Variants in TSHZ2 observed in about 807,000 individuals in gnomAD.
TSHZ2 encodes the protein teashirt homolog 2.
TSHZ2 carries 21 observed loss-of-function variants against 74.4 expected under a neutral mutation model. The observed-to-expected ratio is 0.28, with a 90% CI of 0.20 to 0.41. TSHZ2 has a LOEUF of 0.41. Ranked by LOEUF, TSHZ2 falls within the 10% of genes least tolerant of loss-of-function variation. TSHZ2 has a pLI of 1.00. For missense variants in TSHZ2, 1,244 were observed against 1,293.5 expected, an observed-to-expected ratio of 0.96 and a Z score of 0.59; for synonymous variants, 540 against 515.3, an observed-to-expected ratio of 1.05 and a Z score of -0.65.
chr20:53,155,780 G>A (rs1987780270), intron 1 of TSHZ2, among the ~76,000 whole-genome samples: 1 of 152,132 alleles, frequency 6.6e-6, no homozygotes, highest in Non-Finnish European at 1.5e-5. Context: ...AGATCTCAAT[G>A]TTGTGATAGA....
intron 2 of TSHZ2, among the ~76,000 whole-genome samples, chr20:53,320,040 A>G (rs1378593819): frequency 6.6e-6 from 1 of 152,148 alleles, no homozygotes; most frequent in Non-Finnish European, 1.5e-5. Context: ...CTAAACCTCA[A>G]TGGCCAAGCA....
At chr20:53,177,760 C>T (rs554433102) in intron 1 of TSHZ2, among the ~76,000 whole-genome samples, 2 of 151,606 alleles carry the variant, frequency 1.3e-5, no homozygotes, top group South Asian at 2.1e-4. Flanking sequence ...TGGACCCACA[C>T]ATAATGTTTC....
At chr20:53,124,624 C>T (rs1986897603) in intron 1 of TSHZ2, among the ~76,000 whole-genome samples, 1 of 152,186 alleles carries the variant, frequency 6.6e-6, no homozygotes, top group African/African-American at 2.4e-5. Context: ...CAAGTTATAA[C>T]AATAGTCATC....
intron 2 of TSHZ2, among the ~76,000 whole-genome samples, chr20:53,414,788 G>A (rs761271213): frequency 2.0e-4 from 30 of 152,312 alleles, no homozygotes; most frequent in Admixed American, 1.2e-3. Context: ...TGATTTTCTT[G>A]TTAATAAAGC....
intron 1 of TSHZ2, among the ~76,000 whole-genome samples, chr20:53,005,357 T>A (rs1435274285): frequency 6.6e-6 from 1 of 152,160 alleles, no homozygotes; most frequent in Non-Finnish European, 1.5e-5. Context: ...AGGTTTGAGC[T>A]GAACTATTTA....
chr20:53,336,656 T>C (rs1226200145), intron 2 of TSHZ2, among the ~76,000 whole-genome samples: 1 of 152,198 alleles, frequency 6.6e-6, no homozygotes, highest in East Asian at 1.9e-4. Flanking sequence ...TTCTTGTGTC[T>C]GTGTTACGAT....
chr20:53,238,985 G>A (rs368445918), intron 1 of TSHZ2, among the ~76,000 whole-genome samples: 15 of 152,128 alleles, frequency 9.9e-5, no homozygotes, highest in African/African-American at 3.6e-4. Context: ...CCAACAGTAG[G>A]AAATGGATGG....
intron 1 of TSHZ2, among the ~76,000 whole-genome samples, chr20:53,247,056 A>C (rs1990224892): frequency 6.6e-6 from 1 of 152,192 alleles, no homozygotes; most frequent in African/African-American, 2.4e-5. Flanking sequence ...CACTGTACCC[A>C]CGCCATCTCC....
At chr20:53,309,113 A>C (rs1238353336) in intron 2 of TSHZ2, among the ~76,000 whole-genome samples, 2 of 152,230 alleles carry the variant, frequency 1.3e-5, no homozygotes, top group Non-Finnish European at 2.9e-5. Context: ...ATAGAGCAAG[A>C]TACAAATCAC....
At chr20:53,338,953 T>G (rs1197479192) in intron 2 of TSHZ2, among the ~76,000 whole-genome samples, 2 of 152,218 alleles carry the variant, frequency 1.3e-5, no homozygotes, top group Admixed American at 6.5e-5. Flanking sequence ...TGATGAAGCC[T>G]TCTTAGCAAA....
chr20:53,442,510 A>G lies in TSHZ2; in HGVS notation c.*9-44634A>G, dbSNP rs60970268. 1.8e-4 allele frequency among the ~76,000 whole-genome samples: 27 copies of G among 152,308 alleles called. No individual in the cohort carries two copies. In the East Asian group the frequency reaches 5.0e-3, roughly 28 times the overall value. On this transcript the variant is annotated intron_variant, in intron 2 of 2. Transcript: ENST00000371497. ...CCAGTGCACGGATTCTATTAGGGAA[A>G]TGCGGTGGTAATTAATGAATCCTGC...
At chr20:53,205,959 A>G (rs957026333) in intron 1 of TSHZ2, among the ~76,000 whole-genome samples, 1 of 152,186 alleles carries the variant, frequency 6.6e-6, no homozygotes, top group Admixed American at 6.5e-5. Context: ...GGTGGCTCAC[A>G]CCTGTAATCC....
intron 1 of TSHZ2, among the ~76,000 whole-genome samples, chr20:53,113,849 T>A (rs1457006291): frequency 6.6e-6 from 1 of 152,114 alleles, no homozygotes; most frequent in African/African-American, 2.4e-5. Flanking sequence ...CTGAACTCCA[T>A]AATGGGATCC....
chr20:53,200,648 TTTTGTTTG>T (rs149843994), intron 1 of TSHZ2, among the ~76,000 whole-genome samples: 13 of 151,894 alleles, frequency 8.6e-5, no homozygotes, highest in African/African-American at 2.2e-4. Flanking sequence ...TTTGGGGGAT[TTTTGTTTG>T]TTTGTTTGTT....
intron 1 of TSHZ2, among the ~76,000 whole-genome samples, chr20:53,139,479 T>G (rs1227498923): frequency 6.6e-6 from 1 of 152,218 alleles, no homozygotes; most frequent in Non-Finnish European, 1.5e-5. Flanking sequence ...CTGCGTTTAC[T>G]CTGCCCTGCT....
At chr20:53,231,448 C>T (rs1034328263) in intron 1 of TSHZ2, among the ~76,000 whole-genome samples, 1 of 152,104 alleles carries the variant, frequency 6.6e-6, no homozygotes, top group Non-Finnish European at 1.5e-5. Context: ...ATTGATGTGG[C>T]CACACTGAGA....
intron 1 of TSHZ2, among the ~76,000 whole-genome samples, chr20:53,043,332 C>T (rs564926881): frequency 5.9e-5 from 9 of 152,230 alleles, no homozygotes; most frequent in South Asian, 4.2e-4. Flanking sequence ...CAAATGTCCC[C>T]GTTTTTGTTG....
intron 2 of TSHZ2, among the ~76,000 whole-genome samples, chr20:53,423,524 G>A (rs146168845): frequency 7.2e-4 from 110 of 152,248 alleles, no homozygotes; most frequent in African/African-American, 2.5e-3. Flanking sequence ...TGCTCTCTCT[G>A]CAACTCTAGG....
intron 1 of TSHZ2, among the ~76,000 whole-genome samples, chr20:53,193,167 C>CAAA (rs11481103): frequency 4.4e-5 from 6 of 137,782 alleles, no homozygotes; most frequent in African/African-American, 8.1e-5. Flanking sequence ...AAAATACTTT[C>CAAA]AAAAAAAAAA....
Sources: allele counts gnomAD v4.1 joint callset (sites outside exome capture counted in the v4.1 genomes callset), GRCh38; gene constraint gnomAD v4.1.1; transcripts MANE v1.5; gene names NCBI Gene and HGNC (gene_info 2026-07-23, HGNC 2026-07-21).